Variants in JAML observed in about 807,000 individuals in gnomAD.
JAML encodes the protein junction adhesion molecule like, also known as junctional adhesion molecule-like.
A neutral mutation model predicts 39.3 loss-of-function variants in JAML; 25 were observed. That is an observed-to-expected ratio of 0.64 (90% CI 0.46 to 0.89). The LOEUF (loss-of-function observed/expected upper bound fraction) is 0.89. JAML is among the 40% of genes least tolerant of loss of function. The pLI, the probability that JAML is intolerant of heterozygous loss-of-function variation, is 0.00. For missense variants in JAML, 440 were observed against 486.9 expected (o/e 0.90, Z 0.91); for synonymous variants, 162 against 179.2 (o/e 0.90, Z 0.77).
At position 118,196,739 on chromosome 11, in the gene JAML, G is replaced by A; in HGVS notation, c.1088C>T (p.Thr363Ile). The A allele has an allele frequency of 1.2e-6, 2 of 1,607,766 alleles. No homozygotes were observed. Among genetic ancestry groups the A allele is most frequent in the Non-Finnish European group, 1.7e-6 (2 of 1,174,308 alleles). The change falls in exon 9 of 10, where the codon ACC (threonine) becomes ATC (isoleucine). Residue 363 changes from threonine (T) to isoleucine (I), a missense_variant. Coordinates refer to ENST00000356289, the MANE Select transcript of JAML (RefSeq NM_001098526.2). ...TGAGGCCAGAATCATTCTCACCATG[G>A]TCATGTAGGTGGCCTCTGATTTTTC... is the stretch of plus-strand genomic sequence containing the variant. ...PSEKSEATYM[T>I]MHPVWPSLRS...
At chr11:118,221,677 C>T (rs997640191) in intron 1 of JAML, among the ~76,000 whole-genome samples, 1 of 152,200 alleles carries the variant, frequency 6.6e-6, no homozygotes, top group Non-Finnish European at 1.5e-5. Flanking sequence ...GGTTGGGGAC[C>T]CCTGCTGTAG....
chr11:118,219,416 A>T (rs1473783063), intron 1 of JAML, among the ~76,000 whole-genome samples: 1 of 152,130 alleles, frequency 6.6e-6, no homozygotes, highest in Non-Finnish European at 1.5e-5. Flanking sequence ...GCTGGGGAGG[A>T]CCCAGGTGAG....
At chr11:118,218,285 G>A (rs1044818965) in intron 1 of JAML, among the ~76,000 whole-genome samples, 2 of 152,092 alleles carry the variant, frequency 1.3e-5, no homozygotes, top group Non-Finnish European at 2.9e-5. Context: ...TAGAGACAGG[G>A]TTTCACCATG....
At chr11:118,218,397 CAT>C (rs1565485612) in intron 1 of JAML, among the ~76,000 whole-genome samples, 1 of 152,226 alleles carries the variant, frequency 6.6e-6, no homozygotes, top group Non-Finnish European at 1.5e-5. Flanking sequence ...CCGGCAGCCA[CAT>C]GTCTTAATAG....
chr11:118,202,200 G>T (rs75128335), intron 6 of JAML: 1 of 152,220 alleles, frequency 6.6e-6, no homozygotes, highest in African/African-American at 2.4e-5. Flanking sequence ...AAAGAAACAC[G>T]TGATTGTGGT....
At chr11:118,197,679 G>C (rs1167403665) in intron 8 of JAML, 2 of 252,636 alleles carry the variant, frequency 7.9e-6, no homozygotes, top group Middle Eastern at 1.3e-3. Flanking sequence ...AAGCAGGCTG[G>C]GCAACTATAG....
chr11:118,218,704 T>C (rs1434017958), intron 1 of JAML, among the ~76,000 whole-genome samples: 1 of 152,240 alleles, frequency 6.6e-6, no homozygotes, highest in Non-Finnish European at 1.5e-5. Context: ...TTCCTATCTA[T>C]ATATTCACCA....
chr11:118,200,400 C>T, intron 7 of JAML, 74 bp downstream of exon 7: 1 of 1,554,632 alleles, frequency 6.4e-7, no homozygotes, highest in South Asian at 1.1e-5. Context: ...GCCCTATCAC[C>T]CTGTTCTACT....
At chr11:118,205,716 A>G in intron 5 of JAML, 166 bp downstream of exon 5, 1 of 610,904 alleles carries the variant, frequency 1.6e-6, no homozygotes. Flanking sequence ...TCTTCATTGG[A>G]GTTATCTTTC....
intron 1 of JAML, among the ~76,000 whole-genome samples, chr11:118,215,858 C>A (rs1224046886): frequency 2.6e-5 from 4 of 152,134 alleles, no homozygotes; most frequent in Non-Finnish European, 5.9e-5. Flanking sequence ...AACAGAAGAA[C>A]CCTGACTCTC....
At chr11:118,213,129 G>A (rs1467802059) in intron 2 of JAML, 5 of 1,426,838 alleles carry the variant, frequency 3.5e-6, no homozygotes, top group Non-Finnish European at 3.7e-6. Flanking sequence ...TCCTCTCCCT[G>A]CCTCACCCCT....
At chr11:118,213,112 G>T (rs1688174584) in intron 2 of JAML, 1 of 1,454,500 alleles carries the variant, frequency 6.9e-7, no homozygotes, top group Non-Finnish European at 9.0e-7. Flanking sequence ...CATTTCCACT[G>T]TGTTTATCCT....
intron 1 of JAML, among the ~76,000 whole-genome samples, chr11:118,218,457 A>G (rs1949171738): frequency 6.6e-6 from 1 of 151,896 alleles, no homozygotes; most frequent in South Asian, 2.1e-4. Context: ...CTAATTATCT[A>G]TTTATTTGTG....
chr11:118,196,091 C>T (rs1181859393), intron 9 of JAML, among the ~76,000 whole-genome samples: 3 of 151,630 alleles, frequency 2.0e-5, no homozygotes, highest in Non-Finnish European at 4.4e-5. Context: ...CCTCAGCCTC[C>T]CAAAGTGCTA....
chr11:118,197,989 T>C lies in JAML; in HGVS notation c.1005+9A>G. ...CTACTTAGTGTTTTAGGCTGAAGCG[T>C]GTGTTCACCTCCCCTTCACATCTTT... is the stretch of plus-strand genomic sequence containing the variant. On this transcript the variant is annotated intron_variant, in intron 8 of 9. Coordinates refer to ENST00000356289, the MANE Select transcript of JAML (RefSeq NM_001098526.2). The C allele has an allele frequency of 1.2e-6, 2 of 1,611,636 alleles. No individual in the cohort carries two copies. The highest frequency in any genetic ancestry group is 1.7e-6 in the Non-Finnish European group (2 of 1,177,736).
chr11:118,198,356 T>C (rs570207552), intron 7 of JAML, among the ~76,000 whole-genome samples: 1 of 152,148 alleles, frequency 6.6e-6, no homozygotes, highest in Non-Finnish European at 1.5e-5. Context: ...CCACTTTCAG[T>C]CCGTATGGGA....
chr11:118,194,316 C>T lies in JAML; in HGVS notation c.*9G>A. The T allele has an allele frequency of 6.2e-7, 1 of 1,611,090 alleles. No homozygotes were observed. Among genetic ancestry groups the T allele is most frequent in the Middle Eastern group, 1.7e-4 (1 of 6,056 alleles). On this transcript the variant is annotated 3_prime_UTR_variant, in exon 10 of 10. Transcript: ENST00000356289. ...ACCGCTGCTGAGATGAAGGGACTCT[C>T]CATTCTTCTCAAAAGGCTTGCTGTG...
intron 1 of JAML, among the ~76,000 whole-genome samples, chr11:118,219,794 A>G (rs1249239589): frequency 2.0e-5 from 3 of 152,160 alleles, no homozygotes; most frequent in Admixed American, 6.5e-5. Flanking sequence ...CAACTCCACT[A>G]TCTCAGTGAA....
At chr11:118,213,068 A>G in intron 2 of JAML, 11 of 1,564,688 alleles carry the variant, frequency 7.0e-6, no homozygotes, top group Non-Finnish European at 7.8e-6. Context: ...AGGTCCTTGT[A>G]ATTAGGCCAC....
Sources: allele counts gnomAD v4.1 joint callset (sites outside exome capture counted in the v4.1 genomes callset), GRCh38; gene constraint gnomAD v4.1.1; transcripts MANE v1.5; gene names NCBI Gene and HGNC (gene_info 2026-07-23, HGNC 2026-07-21).